Variants in PCP4 observed in about 807,000 individuals in gnomAD.
PCP4 encodes the protein Purkinje cell protein 4, also known as calmodulin regulator protein PCP4.
Under a neutral mutation model 10.0 loss-of-function variants are expected in PCP4, and 8 were observed. The observed-to-expected ratio is 0.80, with a 90% CI of 0.47 to 1.45. PCP4 has a LOEUF of 1.45. Ranked by LOEUF, PCP4 falls within the 40% of genes most tolerant of loss-of-function variation. The probability of loss-of-function intolerance (pLI) is 0.00; values close to 1 mark genes in which losing one functional copy is unlikely to be tolerated. For missense variants in PCP4, 54 were observed against 74.4 expected, an observed-to-expected ratio of 0.73 and a Z score of 1.01; for synonymous variants, 21 against 23.0, an observed-to-expected ratio of 0.91 and a Z score of 0.24.
chr21:39,899,308 G>T (rs2087471862), intron 2 of PCP4, among the ~76,000 whole-genome samples: 1 of 152,092 alleles, frequency 6.6e-6, no homozygotes, highest in Non-Finnish European at 1.5e-5. Flanking sequence ...TGAGACTCTG[G>T]GTGTTCTTCC....
At chr21:39,927,550 G>A (rs958790298) in intron 2 of PCP4, among the ~76,000 whole-genome samples, 2 of 125,520 alleles carry the variant, frequency 1.6e-5, no homozygotes, top group Non-Finnish European at 1.8e-5. Flanking sequence ...AGGCTGCCTG[G>A]TGACACTCAG....
chr21:39,879,684 C>G (rs553212366), intron 1 of PCP4, among the ~76,000 whole-genome samples: 19 of 152,296 alleles, frequency 1.2e-4, no homozygotes, highest in African/African-American at 4.3e-4. Context: ...CAGGCAGATA[C>G]TGGCAGAAGT....
chr21:39,928,607 T>G (rs1245833230), intron 2 of PCP4, among the ~76,000 whole-genome samples: 1 of 152,188 alleles, frequency 6.6e-6, no homozygotes, highest in Non-Finnish European at 1.5e-5. Context: ...ATTGTGAATA[T>G]CAGCTATCAT....
At chr21:39,898,945 C>G (rs2837274) in intron 2 of PCP4, among the ~76,000 whole-genome samples, 23,258 of 152,174 alleles carry the variant, frequency 0.15, 2,142 homozygotes, top group African/African-American at 0.26. Flanking sequence ...GGAGCACACA[C>G]AATGCGGTGC....
At chr21:39,883,608 T>C (rs1434901567) in intron 1 of PCP4, 1 of 152,250 alleles carries the variant, frequency 6.6e-6, no homozygotes, top group East Asian at 1.9e-4. Flanking sequence ...ATTCTTTGTT[T>C]GGAGTCTCTT....
intron 1 of PCP4, among the ~76,000 whole-genome samples, chr21:39,880,140 C>CTA (rs905959069): frequency 1.4e-4 from 15 of 109,330 alleles, no homozygotes; most frequent in Non-Finnish European, 2.0e-4. Context: ...GTATCTATAT[C>CTA]TATATCTATA....
intron 1 of PCP4, among the ~76,000 whole-genome samples, chr21:39,896,129 G>C (rs1436489068): frequency 3.3e-5 from 5 of 152,010 alleles, no homozygotes; most frequent in African/African-American, 1.2e-4. Flanking sequence ...TTTTCCTCTG[G>C]TTTCTAAAAA....
chr21:39,882,657 A>G (rs779165763), intron 1 of PCP4, among the ~76,000 whole-genome samples: 1 of 152,200 alleles, frequency 6.6e-6, no homozygotes, highest in Non-Finnish European at 1.5e-5. Context: ...TGTTCTTGAA[A>G]TGATTACATC....
At chr21:39,896,468 G>T (rs1333679963) in intron 1 of PCP4, among the ~76,000 whole-genome samples, 1 of 152,040 alleles carries the variant, frequency 6.6e-6, no homozygotes, top group African/African-American at 2.4e-5. Flanking sequence ...AAAAGAGGAG[G>T]CATCAACATA....
intron 1 of PCP4, among the ~76,000 whole-genome samples, chr21:39,887,803 G>A (rs1380588651): frequency 6.6e-6 from 1 of 152,158 alleles, no homozygotes; most frequent in Non-Finnish European, 1.5e-5. Flanking sequence ...ATAGTAACAG[G>A]CCTTTTTGTT....
chr21:39,872,526 GA>G (rs2087325470), intron 1 of PCP4, among the ~76,000 whole-genome samples: 1 of 152,080 alleles, frequency 6.6e-6, no homozygotes, highest in Non-Finnish European at 1.5e-5. Flanking sequence ...AATTTTAGGG[GA>G]TGCATGCATA....
intron 1 of PCP4, among the ~76,000 whole-genome samples, chr21:39,879,938 CTG>C (rs1343370095): frequency 6.6e-6 from 1 of 152,180 alleles, no homozygotes; most frequent in Non-Finnish European, 1.5e-5. Context: ...CAGGGCCCTT[CTG>C]AGAGTGGTCC....
At chr21:39,928,178 A>G (rs2087633922) in intron 2 of PCP4, among the ~76,000 whole-genome samples, 1 of 152,018 alleles carries the variant, frequency 6.6e-6, no homozygotes, top group African/African-American at 2.4e-5. Flanking sequence ...CGGCCATACC[A>G]CCCTGAACAC....
intron 1 of PCP4, among the ~76,000 whole-genome samples, chr21:39,871,098 G>C (rs1190628870): frequency 2.0e-5 from 3 of 152,174 alleles, no homozygotes; most frequent in Non-Finnish European, 4.4e-5. Flanking sequence ...AGCTGTAAAT[G>C]GCATTTTTCT....
chr21:39,899,048 C>A (rs1252618479), intron 2 of PCP4, among the ~76,000 whole-genome samples: 1 of 152,124 alleles, frequency 6.6e-6, no homozygotes, highest in Non-Finnish European at 1.5e-5. Flanking sequence ...TTGCATCCTG[C>A]CTCTTCATGG....
chr21:39,900,244 AG>A (rs2087476588), intron 2 of PCP4, among the ~76,000 whole-genome samples: 1 of 152,158 alleles, frequency 6.6e-6, no homozygotes, highest in Non-Finnish European at 1.5e-5. Context: ...CATGTTGGCC[AG>A]GCTGGTCTCG....
rs202020238 is a variant in PCP4 at position 39,878,993 on chromosome 21, C to CTT, written c.9+11495_9+11496dup. Among the ~76,000 whole-genome samples the CTT allele has an allele frequency of 3.3e-3, 466 of 143,364 alleles. 6 individuals are homozygous for CTT. Among genetic ancestry groups the CTT allele is most frequent in the African/African-American group, 0.011 (437 of 39,058 alleles). 94.1% of individuals were successfully genotyped at this position (143,364 alleles called of 152,430 possible). On this transcript the variant is annotated intron_variant, in intron 1 of 2. Coordinates refer to ENST00000328619, the MANE Select transcript of PCP4 (RefSeq NM_006198.3). ...GAAAATTTTCTTTTCTTTCCTTTTT[C>CTT]TTTTTTTTTTTTTGAGACTGAATTT...
At chr21:39,913,898 G>A (rs933946431) in intron 2 of PCP4, among the ~76,000 whole-genome samples, 2 of 152,154 alleles carry the variant, frequency 1.3e-5, no homozygotes, top group Non-Finnish European at 2.9e-5. Context: ...GGGATTAGAA[G>A]CTCAGGGTGA....
chr21:39,879,376 G>A (rs11911113), intron 1 of PCP4, among the ~76,000 whole-genome samples: 5,303 of 152,138 alleles, frequency 0.035, 308 homozygotes, highest in African/African-American at 0.12. Flanking sequence ...TTTCATCCAG[G>A]TTCCTTCTTT....
Sources: gnomAD v4.1 joint callset for allele counts (sites outside exome capture counted in the v4.1 genomes callset) on GRCh38, gnomAD v4.1.1 for gene constraint, MANE v1.5 for transcripts, NCBI Gene and HGNC (gene_info 2026-07-23, HGNC 2026-07-21) for gene names.